The following SKAP1 variants were observed in gnomAD, a reference collection of about 807,000 sequenced individuals.
SKAP1 encodes src kinase associated phosphoprotein 1.
In SKAP1, 44 loss-of-function variants were observed where a neutral mutation model predicts 58.5. The ratio of observed to expected loss-of-function variants is 0.75; its 90% CI spans 0.59 to 0.97. The LOEUF (loss-of-function observed/expected upper bound fraction) is 0.97. Among genes scored for constraint, SKAP1 ranks in the 50% least tolerant of loss-of-function variants. SKAP1 has a pLI of 0.00. For missense variants in SKAP1, 390 were observed against 435.2 expected, an observed-to-expected ratio of 0.90 and a Z score of 0.92; for synonymous variants, 127 against 149.7, an observed-to-expected ratio of 0.85 and a Z score of 1.11.
chr17:48,171,974 T>C (rs1042003834), intron 9 of SKAP1, among the ~76,000 whole-genome samples: 2 of 152,024 alleles, frequency 1.3e-5, no homozygotes, highest in Non-Finnish European at 2.9e-5. Flanking sequence ...GCAAGAGAAT[T>C]GCTTGAATCC....
chr17:48,163,472 C>A (rs1382258438), intron 10 of SKAP1, among the ~76,000 whole-genome samples: 2 of 152,150 alleles, frequency 1.3e-5, no homozygotes, highest in East Asian at 3.8e-4. Flanking sequence ...GGGAGAGGAT[C>A]TGGGGATTTG....
At chr17:48,225,767 A>G (rs1445528694) in intron 4 of SKAP1, among the ~76,000 whole-genome samples, 1 of 152,120 alleles carries the variant, frequency 6.6e-6, no homozygotes, top group Non-Finnish European at 1.5e-5. Flanking sequence ...GGTCCCTTAA[A>G]TTGGAGAGGG....
At chr17:48,314,861 G>C (rs1375544244) in intron 4 of SKAP1, among the ~76,000 whole-genome samples, 1 of 152,202 alleles carries the variant, frequency 6.6e-6, no homozygotes, top group Non-Finnish European at 1.5e-5. Context: ...CAGTTTCTTT[G>C]ATGAAAGCAA....
At chr17:48,404,756 T>C (rs2067548427) in intron 1 of SKAP1, among the ~76,000 whole-genome samples, 1 of 151,856 alleles carries the variant, frequency 6.6e-6, no homozygotes, top group African/African-American at 2.4e-5. Flanking sequence ...AAGATGACAA[T>C]AGTGAAAAGT....
intron 2 of SKAP1, among the ~76,000 whole-genome samples, chr17:48,369,824 C>T (rs1185358797): frequency 6.6e-6 from 1 of 152,162 alleles, no homozygotes; most frequent in Non-Finnish European, 1.5e-5. Context: ...CAATCAGTTT[C>T]AGAACAGGAC....
intron 4 of SKAP1, among the ~76,000 whole-genome samples, chr17:48,308,996 AT>A (rs1336199564): frequency 1.3e-5 from 2 of 151,780 alleles, no homozygotes; most frequent in Non-Finnish European, 1.5e-5. Context: ...GAAAAGTATC[AT>A]TTTTTTTGAT....
intron 4 of SKAP1, 92 bp from the exon 5 acceptor site, chr17:48,189,592 T>C: frequency 1.2e-6 from 1 of 817,304 alleles, no homozygotes; most frequent in Non-Finnish European, 2.0e-6. Flanking sequence ...AATAACAGAG[T>C]ACAAAAAGGG....
chr17:48,187,610 C>T (rs2064475489), intron 6 of SKAP1, among the ~76,000 whole-genome samples: 1 of 151,910 alleles, frequency 6.6e-6, no homozygotes, highest in Non-Finnish European at 1.5e-5. Flanking sequence ...AAAAGATAAC[C>T]ATTTGATGTG....
chr17:48,355,267 T>A (rs2066860874), intron 3 of SKAP1, among the ~76,000 whole-genome samples: 1 of 152,096 alleles, frequency 6.6e-6, no homozygotes, highest in African/African-American at 2.4e-5. Flanking sequence ...AATTTAAAAT[T>A]GTTATTATTT....
intron 4 of SKAP1, among the ~76,000 whole-genome samples, chr17:48,320,160 C>G (rs1048450305): frequency 2.0e-4 from 31 of 151,912 alleles, no homozygotes; most frequent in African/African-American, 7.3e-4. Flanking sequence ...CTATTATTAC[C>G]AAGAAACAGT....
chr17:48,285,722 C>T (rs1228751290), intron 4 of SKAP1, among the ~76,000 whole-genome samples: 2 of 152,016 alleles, frequency 1.3e-5, no homozygotes, highest in Admixed American at 6.6e-5. Context: ...TTTTTCTCCA[C>T]CAGAAATCAT....
At chr17:48,252,946 A>G (rs1404239225) in intron 4 of SKAP1, among the ~76,000 whole-genome samples, 1 of 152,040 alleles carries the variant, frequency 6.6e-6, no homozygotes, top group Admixed American at 6.6e-5. Context: ...TAAGAGTTGT[A>G]TTTGCTTTTC....
At chr17:48,163,407 T>C (rs1350871375) in intron 10 of SKAP1, among the ~76,000 whole-genome samples, 2 of 152,162 alleles carry the variant, frequency 1.3e-5, no homozygotes, top group Admixed American at 1.3e-4. Flanking sequence ...TTCTTAACAA[T>C]GAAGAATTTG....
At chr17:48,337,567 T>C (rs1306642605) in intron 4 of SKAP1, among the ~76,000 whole-genome samples, 8 of 152,360 alleles carry the variant, frequency 5.3e-5, no homozygotes, top group African/African-American at 1.9e-4. Context: ...TATTAAAATC[T>C]ATAACATGGA....
At chr17:48,358,814 G>A (rs1480078485) in intron 3 of SKAP1, among the ~76,000 whole-genome samples, 6 of 152,114 alleles carry the variant, frequency 3.9e-5, no homozygotes, top group Non-Finnish European at 5.9e-5. Flanking sequence ...ACAACTCATA[G>A]TAACTGTGAA....
chr17:48,216,064 C>T (rs2064935480), intron 4 of SKAP1, among the ~76,000 whole-genome samples: 1 of 152,194 alleles, frequency 6.6e-6, no homozygotes, highest in African/African-American at 2.4e-5. Flanking sequence ...GTTCAACATG[C>T]CCACCTTTGT....
chr17:48,398,802 A>G (rs2067455584), intron 1 of SKAP1, among the ~76,000 whole-genome samples: 2 of 152,156 alleles, frequency 1.3e-5, no homozygotes, highest in Admixed American at 1.3e-4. Context: ...CGGGCGGATC[A>G]TGAGGTCAGG....
chr17:48,180,217 C>T lies in SKAP1; in HGVS notation c.663G>A (p.Glu221=), dbSNP rs777491547. 3.6e-5 allele frequency: 57 copies of T among 1,602,794 alleles called. No homozygotes were observed. Among genetic ancestry groups the T allele is most frequent in the South Asian group, 1.3e-4 (12 of 89,720 alleles). Residue 221 remains glutamate, a synonymous_variant, in exon 9 of 13, where the codon GAG becomes GAA. Coordinates refer to ENST00000336915, the MANE Select transcript of SKAP1 (RefSeq NM_003726.4). ...DLSSLTIPYE[E]DEEEEEKEET... ...CTTCTTTTTCTTCTTCCTCCTCATC[C>T]TCTTCATATGGAATGGTTAAGGAGC...
chr17:48,145,414 A>T (rs947632674), intron 11 of SKAP1, among the ~76,000 whole-genome samples: 2 of 32,410 alleles, frequency 6.2e-5, no homozygotes, highest in African/African-American at 4.4e-4. Flanking sequence ...ATCTCCATCA[A>T]CAAGGAAAAA....
Sources: allele counts gnomAD v4.1 joint callset (sites outside exome capture counted in the v4.1 genomes callset), GRCh38; gene constraint gnomAD v4.1.1; transcripts MANE v1.5; gene names NCBI Gene and HGNC (gene_info 2026-07-23, HGNC 2026-07-21).